RBFOX1: variants seen among roughly 807,000 people sequenced by gnomAD.
The protein encoded by RBFOX1 is RNA binding fox-1 homolog 1, also known as RNA binding protein fox-1 homolog 1.
A neutral mutation model predicts 57.7 loss-of-function variants in RBFOX1; 8 were observed. That is an observed-to-expected ratio of 0.14 (90% CI 0.08 to 0.25). RBFOX1 has a LOEUF of 0.25. RBFOX1 is among the 10% of genes least tolerant of loss of function. RBFOX1 has a pLI of 1.00. For missense variants in RBFOX1, 611 were observed against 548.5 expected (o/e 1.11, Z -1.14); for synonymous variants, 326 against 222.4 (o/e 1.47, Z -4.15).
chr16:5,494,712 G>A (rs547789027), intron 2 of RBFOX1, among the ~76,000 whole-genome samples: 1 of 152,310 alleles, frequency 6.6e-6, no homozygotes, highest in South Asian at 2.1e-4. Context: ...ACTAGAAACA[G>A]ATTAGGGTGA....
intron 2 of RBFOX1, among the ~76,000 whole-genome samples, chr16:6,398,678 C>CTG (rs1567192592): frequency 1.3e-5 from 2 of 152,212 alleles, no homozygotes; most frequent in Non-Finnish European, 2.9e-5. Flanking sequence ...AGAAGTGGGC[C>CTG]CCCATGGCCT....
At chr16:7,001,070 T>A (rs2092746079) in intron 3 of RBFOX1, among the ~76,000 whole-genome samples, 2 of 152,226 alleles carry the variant, frequency 1.3e-5, no homozygotes, top group African/African-American at 4.8e-5. Flanking sequence ...ACTGATTCTT[T>A]GCTTACCCCA....
In RBFOX1 at chr16:6,097,575, G is replaced by A. The variant is rs1314040976; in HGVS notation, c.-127+77583G>A. 6.6e-6 allele frequency among the ~76,000 whole-genome samples: 1 copy of A among 152,066 alleles called. No homozygotes were observed. Among genetic ancestry groups the A allele is most frequent in the Non-Finnish European group, 1.5e-5 (1 of 68,022 alleles). On this transcript the variant is annotated intron_variant, in intron 1 of 15. Coordinates refer to ENST00000550418, the MANE Select transcript of RBFOX1 (RefSeq NM_018723.4). The surrounding 1 kb of genome is among the most constrained non-coding windows in gnomAD (Gnocchi z 5.0). ...AAGTATAAGAACCTCTGCTGCACAG[G>A]GAGACCTCACTTTCATTATTCTCAT... is the stretch of plus-strand genomic sequence containing the variant.
At chr16:7,256,943 T>G (rs1389023162) in intron 4 of RBFOX1, among the ~76,000 whole-genome samples, 1 of 152,114 alleles carries the variant, frequency 6.6e-6, no homozygotes. Context: ...GGAAACAGCC[T>G]TTCTGTTTCT....
chr16:6,441,503 G>A (rs936462639), intron 2 of RBFOX1, among the ~76,000 whole-genome samples: 108 of 152,098 alleles, frequency 7.1e-4, no homozygotes, highest in African/African-American at 2.5e-3. Context: ...TGCAACCTCT[G>A]CCTCCAGGAT....
intron 2 of RBFOX1, among the ~76,000 whole-genome samples, chr16:6,396,090 AC>A (rs1311073312): frequency 6.8e-6 from 1 of 148,072 alleles, no homozygotes; most frequent in African/African-American, 2.5e-5. Context: ...AAAAAAAAGG[AC>A]AACTAACACC....
intron 1 of RBFOX1, among the ~76,000 whole-genome samples, chr16:6,269,366 C>G (rs1264995579): frequency 6.6e-6 from 1 of 152,092 alleles, no homozygotes; most frequent in African/African-American, 2.4e-5. Flanking sequence ...AGAGGGCTGA[C>G]TGGATATAGT....
At chr16:6,996,494 T>C (rs1470926295) in intron 3 of RBFOX1, among the ~76,000 whole-genome samples, 5 of 152,234 alleles carry the variant, frequency 3.3e-5, no homozygotes, top group Non-Finnish European at 7.3e-5. Context: ...TGGACACGCA[T>C]ATTTGTTACT....
chr16:6,790,049 T>G (rs1383423425), intron 3 of RBFOX1, among the ~76,000 whole-genome samples: 2 of 150,252 alleles, frequency 1.3e-5, no homozygotes, highest in Non-Finnish European at 3.0e-5. Flanking sequence ...TCTAAATTTT[T>G]GAGATGGAGA....
At chr16:7,335,140 C>G (rs1434740948) in intron 4 of RBFOX1, among the ~76,000 whole-genome samples, 3 of 152,158 alleles carry the variant, frequency 2.0e-5, no homozygotes, top group East Asian at 1.9e-4. Flanking sequence ...AAGGGCAGTG[C>G]AAAGGGAGAA....
At chr16:7,469,687 T>C (rs11077185) in intron 4 of RBFOX1, among the ~76,000 whole-genome samples, 18,411 of 152,212 alleles carry the variant, frequency 0.12, 1,421 homozygotes, top group South Asian at 0.3. Flanking sequence ...ATAAACCACA[T>C]TGAACATGGA....
intron 3 of RBFOX1, among the ~76,000 whole-genome samples, chr16:5,696,207 TG>T (rs1388785540): frequency 6.6e-6 from 1 of 152,258 alleles, no homozygotes; most frequent in Non-Finnish European, 1.5e-5. Context: ...CTGATGCCTC[TG>T]GGTACCTTCT....
At chr16:5,288,622 C>T (rs1019513671) in intron 1 of RBFOX1, among the ~76,000 whole-genome samples, 2 of 40,138 alleles carry the variant, frequency 5.0e-5, no homozygotes, top group African/African-American at 2.0e-4. Context: ...ATCTTGTTTC[C>T]TTTCCTTTTC....
At chr16:5,565,687 C>G (rs1217129265) in intron 2 of RBFOX1, among the ~76,000 whole-genome samples, 1 of 151,292 alleles carries the variant, frequency 6.6e-6, no homozygotes, top group Non-Finnish European at 1.5e-5. Flanking sequence ...AAGTCGTTTT[C>G]CCTCTTTTAT....
intron 3 of RBFOX1, among the ~76,000 whole-genome samples, chr16:6,761,539 G>A (rs1410951924): frequency 5.2e-5 from 5 of 96,248 alleles, no homozygotes; most frequent in African/African-American, 1.2e-4. Context: ...ACAGAGTCTT[G>A]CTCTGTCACC....
intron 4 of RBFOX1, among the ~76,000 whole-genome samples, chr16:7,127,856 C>T (rs1300532700): frequency 6.6e-6 from 1 of 152,172 alleles, no homozygotes; most frequent in Non-Finnish European, 1.5e-5. Flanking sequence ...CTTTATTAAG[C>T]AGCATATTAA....
At chr16:7,533,944 G>A (rs1003763955) in intron 5 of RBFOX1, among the ~76,000 whole-genome samples, 4 of 152,060 alleles carry the variant, frequency 2.6e-5, no homozygotes, top group African/African-American at 9.7e-5. Context: ...ACCAATGGTG[G>A]GCGATGTTAC....
chr16:6,711,471 G>A (rs1408934285), intron 3 of RBFOX1, among the ~76,000 whole-genome samples: 2 of 152,148 alleles, frequency 1.3e-5, no homozygotes, highest in Non-Finnish European at 2.9e-5. Flanking sequence ...GGAGGGACCT[G>A]GTAGGAGGTG....
chr16:5,732,526 G>T (rs2052416685), intron 3 of RBFOX1, among the ~76,000 whole-genome samples: 1 of 152,196 alleles, frequency 6.6e-6, no homozygotes, highest in Admixed American at 6.5e-5. Flanking sequence ...AGACATAGGG[G>T]AGAGGCAGGG....
Sources: allele counts gnomAD v4.1 joint callset (sites outside exome capture counted in the v4.1 genomes callset), GRCh38; gene constraint gnomAD v4.1.1; non-coding constraint Gnocchi (gnomAD v3.1); transcripts MANE v1.5; gene names NCBI Gene and HGNC (gene_info 2026-07-23, HGNC 2026-07-21).